The following CTNND2 variants were observed in gnomAD, a reference collection of about 807,000 sequenced individuals.
CTNND2 encodes catenin delta 2, also known as catenin delta-2.
A neutral mutation model predicts 144.4 loss-of-function variants in CTNND2; 22 were observed. The observed-to-expected ratio is 0.15, with a 90% CI of 0.11 to 0.22. The LOEUF (loss-of-function observed/expected upper bound fraction) is 0.22, where lower values mean the gene tolerates loss of function less well. Among genes scored for constraint, CTNND2 ranks in the 10% least tolerant of loss-of-function variants. The pLI, the probability that CTNND2 is intolerant of heterozygous loss-of-function variation, is 1.00. For missense variants in CTNND2, 1,353 were observed against 1,618.8 expected (o/e 0.84, Z 2.82); for synonymous variants, 751 against 695.6 (o/e 1.08, Z -1.25).
chr5:11,534,648 T>C (rs543317336), intron 3 of CTNND2, among the ~76,000 whole-genome samples: 1 of 152,214 alleles, frequency 6.6e-6, no homozygotes, highest in South Asian at 2.1e-4. Flanking sequence ...AGGGTGATTC[T>C]ATGCGCTGAG....
intron 18 of CTNND2, among the ~76,000 whole-genome samples, chr5:10,997,965 A>G (rs1739530934): frequency 6.6e-6 from 1 of 152,212 alleles, no homozygotes; most frequent in Non-Finnish European, 1.5e-5. Context: ...TCTCTTATGC[A>G]GGTGATTGGA....
At chr5:11,263,660 T>C (rs1745147812) in intron 9 of CTNND2, among the ~76,000 whole-genome samples, 1 of 152,178 alleles carries the variant, frequency 6.6e-6, no homozygotes, top group Admixed American at 6.5e-5. Context: ...TTGTAAAATA[T>C]ATCTTTGTAT....
chr5:11,127,724 A>G (rs1754821857), intron 12 of CTNND2, among the ~76,000 whole-genome samples: 1 of 151,532 alleles, frequency 6.6e-6, no homozygotes, highest in Non-Finnish European at 1.5e-5. Context: ...TTGCTTCCTT[A>G]TTTTCACAGG....
chr5:11,432,768 G>A (rs536228358), intron 3 of CTNND2, among the ~76,000 whole-genome samples: 2 of 152,184 alleles, frequency 1.3e-5, no homozygotes, highest in African/African-American at 4.8e-5. Context: ...ATAACTGTGT[G>A]TATGTGCATT....
chr5:11,584,546 A>G (rs928247701), intron 2 of CTNND2, among the ~76,000 whole-genome samples: 18 of 152,108 alleles, frequency 1.2e-4, no homozygotes, highest in African/African-American at 4.3e-4. Flanking sequence ...GAAGATCACA[A>G]TGTAATTAGC....
At chr5:11,712,986 T>TA (rs1786121350) in intron 2 of CTNND2, among the ~76,000 whole-genome samples, 1 of 152,082 alleles carries the variant, frequency 6.6e-6, no homozygotes, top group African/African-American at 2.4e-5. Flanking sequence ...TAAAGATAAA[T>TA]AAAGTTCGAG....
At chr5:11,076,974 G>C (rs567213051) in intron 16 of CTNND2, among the ~76,000 whole-genome samples, 1 of 152,130 alleles carries the variant, frequency 6.6e-6, no homozygotes, top group African/African-American at 2.4e-5. Context: ...TAAATTTATA[G>C]AGAAAAGAAA....
chr5:11,117,484 T>C lies in CTNND2; in HGVS notation c.2243A>G (p.Gln748Arg). The change falls in exon 13 of 22, where the codon CAG becomes CGG. Residue 748 changes from glutamine (Q) to arginine (R), a missense_variant. Transcript: ENST00000304623. Reference sequence around the variant, plus strand: ...GATCTCACTGCTCCCCAGCGCAGACTGGATCACGTACAGCAAGGCATCCGT... The same window carrying C: ...GATCTCACTGCTCCCCAGCGCAGACCGGATCACGTACAGCAAGGCATCCGT... Reference protein sequence around the residue: ...GLTDALLYVIQSALGSSEIDS... With the variant: ...GLTDALLYVIRSALGSSEIDS... The C allele has an allele frequency of 5.0e-6, 8 of 1,614,170 alleles. No individual in the cohort carries two copies. Among genetic ancestry groups the C allele is most frequent in the Non-Finnish European group, 6.8e-6 (8 of 1,180,022 alleles).
intron 12 of CTNND2, among the ~76,000 whole-genome samples, chr5:11,124,450 A>G (rs528878645): frequency 2.0e-4 from 31 of 152,320 alleles, no homozygotes; most frequent in African/African-American, 7.2e-4. Flanking sequence ...TCTCGATTCC[A>G]CGAAGCACAC....
chr5:11,492,209 G>A (rs905993717), intron 3 of CTNND2, among the ~76,000 whole-genome samples: 1 of 152,090 alleles, frequency 6.6e-6, no homozygotes, highest in African/African-American at 2.4e-5. Context: ...GCAGGTAAAC[G>A]GCATTTTACT....
intron 3 of CTNND2, among the ~76,000 whole-genome samples, chr5:11,536,021 T>C (rs1170915456): frequency 6.6e-6 from 1 of 152,212 alleles, no homozygotes; most frequent in African/African-American, 2.4e-5. Context: ...GAGCATTTAG[T>C]AAGGGCTTAA....
chr5:11,162,266 T>A (rs1758847959), intron 11 of CTNND2, among the ~76,000 whole-genome samples: 1 of 152,162 alleles, frequency 6.6e-6, no homozygotes, highest in South Asian at 2.1e-4. Context: ...CAGCTATTTT[T>A]ACTGTTTTCT....
intron 11 of CTNND2, among the ~76,000 whole-genome samples, chr5:11,197,737 G>A (rs1737013336): frequency 6.6e-6 from 1 of 152,152 alleles, no homozygotes; most frequent in Non-Finnish European, 1.5e-5. Flanking sequence ...CACAGGATAA[G>A]ACACATGCTG....
intron 9 of CTNND2, among the ~76,000 whole-genome samples, chr5:11,319,081 A>G (rs891616914): frequency 4.6e-5 from 7 of 152,092 alleles, no homozygotes; most frequent in Admixed American, 2.0e-4. Context: ...ACTGAGCCAC[A>G]AACTCACTTC....
At chr5:11,304,231 T>C (rs1749926712) in intron 9 of CTNND2, among the ~76,000 whole-genome samples, 1 of 152,192 alleles carries the variant, frequency 6.6e-6, no homozygotes, top group Non-Finnish European at 1.5e-5. Context: ...AATACTGTAT[T>C]AAAATACTTT....
At chr5:11,341,364 G>T (rs138838578) in intron 9 of CTNND2, among the ~76,000 whole-genome samples, 42 of 152,216 alleles carry the variant, frequency 2.8e-4, no homozygotes, top group Non-Finnish European at 5.4e-4. Context: ...TGAGGGGCCT[G>T]TTGCTCAAGG....
intron 1 of CTNND2, among the ~76,000 whole-genome samples, chr5:11,740,351 A>T (rs11741228): frequency 0.14 from 21,364 of 152,156 alleles, 1,668 homozygotes; most frequent in East Asian, 0.27. Context: ...CGAATAGACC[A>T]ATGGAACAGA....
intron 1 of CTNND2, among the ~76,000 whole-genome samples, chr5:11,770,568 A>G (rs1293437442): frequency 6.6e-6 from 1 of 152,112 alleles, no homozygotes; most frequent in East Asian, 1.9e-4. Context: ...ATGCCTGCAC[A>G]GTGATCACAA....
rs182444685 is a variant in CTNND2, at chr5:11,064,904, C to T, written c.2788+17792G>A. 2.4e-3 allele frequency among the ~76,000 whole-genome samples: 362 copies of T among 152,300 alleles called. 3 individuals are homozygous for T. The highest frequency in any genetic ancestry group is 8.2e-3 in the African/African-American group (342 of 41,570). On this transcript the variant is annotated intron_variant, in intron 16 of 21. Coordinates refer to ENST00000304623, the MANE Select transcript of CTNND2 (RefSeq NM_001332.4). ...TTTAGGCAGTGGTGATTTGTTTTTTCTGCACCCAGTTCAAGCTGGTCGCTC... is the reference window on the plus strand; with the variant it reads ...TTTAGGCAGTGGTGATTTGTTTTTTTTGCACCCAGTTCAAGCTGGTCGCTC...
Sources: allele counts gnomAD v4.1 joint callset (sites outside exome capture counted in the v4.1 genomes callset), GRCh38; gene constraint gnomAD v4.1.1; transcripts MANE v1.5; gene names NCBI Gene and HGNC (gene_info 2026-07-23, HGNC 2026-07-21).